The following OSTF1 variants were observed in gnomAD, a reference collection of about 807,000 sequenced individuals.
OSTF1 encodes the protein osteoclast stimulating factor 1.
OSTF1 carries 27 observed loss-of-function variants against 37.2 expected under a neutral mutation model. That is an observed-to-expected ratio of 0.73 (90% CI 0.54 to 1.00). OSTF1 has a LOEUF of 1.00. OSTF1 is among the 50% of genes least tolerant of loss of function. OSTF1 has a pLI of 0.00. For missense variants in OSTF1, 232 were observed against 253.8 expected (o/e 0.91, Z 0.58); for synonymous variants, 82 against 89.2 (o/e 0.92, Z 0.46).
At chr9:75,115,080 T>C (rs896620347) in intron 1 of OSTF1, among the ~76,000 whole-genome samples, 4 of 152,224 alleles carry the variant, frequency 2.6e-5, no homozygotes, top group African/African-American at 9.6e-5. Flanking sequence ...TTATAAGTTG[T>C]ATGTATATTA....
At chr9:75,090,491 T>C (rs1318799760) in intron 1 of OSTF1, among the ~76,000 whole-genome samples, 1 of 152,228 alleles carries the variant, frequency 6.6e-6, no homozygotes, top group African/African-American at 2.4e-5. Context: ...CATTTTATTT[T>C]ATTTTAATTT....
intron 1 of OSTF1, among the ~76,000 whole-genome samples, chr9:75,097,723 G>A (rs1825112185): frequency 6.6e-6 from 1 of 151,006 alleles, no homozygotes; most frequent in Non-Finnish European, 1.5e-5. Context: ...CATTATGAGT[G>A]GGATGAACTT....
At chr9:75,130,163 A>G (rs1252990889) in intron 3 of OSTF1, among the ~76,000 whole-genome samples, 4 of 152,162 alleles carry the variant, frequency 2.6e-5, no homozygotes, top group Non-Finnish European at 5.9e-5. Context: ...AAATTTTTCT[A>G]TAATAACAAG....
intron 1 of OSTF1, among the ~76,000 whole-genome samples, chr9:75,112,607 A>G (rs1406658902): frequency 1.3e-5 from 2 of 152,262 alleles, no homozygotes; most frequent in Non-Finnish European, 2.9e-5. Flanking sequence ...AGTATAAATC[A>G]AAATGCAAAT....
chr9:75,120,122 CA>C (rs964170642), intron 2 of OSTF1, among the ~76,000 whole-genome samples: 4 of 152,030 alleles, frequency 2.6e-5, no homozygotes, highest in African/African-American at 9.7e-5. Flanking sequence ...CATTGTAAGA[CA>C]AAAAAATCCA....
intron 2 of OSTF1, among the ~76,000 whole-genome samples, chr9:75,125,280 C>A (rs183189627): frequency 9.9e-5 from 15 of 152,194 alleles, no homozygotes; most frequent in Admixed American, 7.9e-4. Flanking sequence ...ATCTTTCTGG[C>A]CTCTCTGGGA....
intron 1 of OSTF1, among the ~76,000 whole-genome samples, chr9:75,107,924 G>A (rs553081984): frequency 6.6e-6 from 1 of 152,190 alleles, no homozygotes; most frequent in African/African-American, 2.4e-5. Flanking sequence ...ATGACATATG[G>A]ATTTACTGTT....
rs1489997706 is a variant in OSTF1, at chr9:75,088,541, C to A, written c.-152C>A. 2.5e-6 allele frequency: 2 copies of A among 803,798 alleles called. No individual in the cohort carries two copies. Among genetic ancestry groups the A allele is most frequent in the South Asian group, 3.1e-5 (2 of 63,628 alleles). The allele number at this position is 803,798 out of a possible 1,614,324, so 49.8% of individuals were successfully genotyped here. ...TCGGCGGAGCCGCTCTGCCTGCGTC[C>A]GCTCTTCCCGCAGCCAAGGGTGGGC... On this transcript the variant is annotated 5_prime_UTR_variant, in exon 1 of 10. Transcript: ENST00000346234.
intron 8 of OSTF1, among the ~76,000 whole-genome samples, chr9:75,138,338 A>G (rs1825875288): frequency 2.0e-5 from 3 of 152,184 alleles, no homozygotes; most frequent in Admixed American, 2.0e-4. Flanking sequence ...GATTTTAAGT[A>G]TGCTGGTGAT....
At chr9:75,101,906 T>G (rs564055328) in intron 1 of OSTF1, among the ~76,000 whole-genome samples, 1 of 152,224 alleles carries the variant, frequency 6.6e-6, no homozygotes, top group Non-Finnish European at 1.5e-5. Context: ...TATATCATCA[T>G]GTTGTCTTGC....
At chr9:75,097,881 A>G (rs1298910538) in intron 1 of OSTF1, among the ~76,000 whole-genome samples, 3 of 148,980 alleles carry the variant, frequency 2.0e-5, no homozygotes, top group African/African-American at 7.5e-5. Flanking sequence ...CTTTGAGGCA[A>G]GGGTCTGGCT....
intron 1 of OSTF1, among the ~76,000 whole-genome samples, chr9:75,089,820 C>T (rs908439188): frequency 4.6e-5 from 7 of 152,148 alleles, no homozygotes; most frequent in Non-Finnish European, 8.8e-5. Flanking sequence ...CCTTGATTTT[C>T]CTAAACTCTA....
intron 1 of OSTF1, among the ~76,000 whole-genome samples, chr9:75,099,922 A>C (rs777552395): frequency 1.3e-5 from 2 of 152,214 alleles, no homozygotes; most frequent in East Asian, 1.9e-4. Context: ...TACGGGAATA[A>C]ATTTTGTTGC....
At chr9:75,131,151 T>C (rs1825755954) in intron 4 of OSTF1, among the ~76,000 whole-genome samples, 1 of 152,230 alleles carries the variant, frequency 6.6e-6, no homozygotes, top group African/African-American at 2.4e-5. Flanking sequence ...GTCAGCAGAA[T>C]CAAGTCAAAA....
At chr9:75,114,678 T>G (rs1206774006) in intron 1 of OSTF1, among the ~76,000 whole-genome samples, 1 of 151,972 alleles carries the variant, frequency 6.6e-6, no homozygotes, top group Admixed American at 6.6e-5. Context: ...ACCCACCTCT[T>G]GAGTAGCTGG....
At chr9:75,108,980 G>A (rs905732200) in intron 1 of OSTF1, among the ~76,000 whole-genome samples, 1 of 150,972 alleles carries the variant, frequency 6.6e-6, no homozygotes, top group African/African-American at 2.4e-5. Flanking sequence ...AGTAATAAGA[G>A]TGTAATTTTA....
In OSTF1 at chr9:75,137,683, C is replaced by T. The variant is rs952210844; in HGVS notation, c.487+67C>T. 12 of 957,778 alleles carry T rather than the reference C, an allele frequency of 1.3e-5. No homozygotes were observed. In the African/African-American group the frequency reaches 1.9e-4, roughly 15 times the overall value. The allele number at this position is 957,778 out of a possible 1,614,324, so 59.3% of individuals were successfully genotyped here. Reference sequence around the variant, plus strand: ...AAAAATAGTCTATATCAACTTACGCCATTTGAAATGGTAGGAAGAATAATA... The same window carrying T: ...AAAAATAGTCTATATCAACTTACGCTATTTGAAATGGTAGGAAGAATAATA... On this transcript the variant is annotated intron_variant, in intron 8 of 9. Coordinates refer to ENST00000346234, the MANE Select transcript of OSTF1 (RefSeq NM_012383.5).
chr9:75,107,752 A>C (rs1013815234), intron 1 of OSTF1, among the ~76,000 whole-genome samples: 1 of 152,170 alleles, frequency 6.6e-6, no homozygotes, highest in Non-Finnish European at 1.5e-5. Context: ...TTTAGACTCA[A>C]ATTTTTTCCA....
chr9:75,092,109 G>A (rs908134882), intron 1 of OSTF1, among the ~76,000 whole-genome samples: 2 of 152,216 alleles, frequency 1.3e-5, no homozygotes, highest in Non-Finnish European at 2.9e-5. Context: ...AGCTAGGTGA[G>A]TAAGGACAAA....
Sources: allele counts gnomAD v4.1 joint callset (sites outside exome capture counted in the v4.1 genomes callset), GRCh38; gene constraint gnomAD v4.1.1; transcripts MANE v1.5; gene names NCBI Gene and HGNC (gene_info 2026-07-23, HGNC 2026-07-21).